The following ORC4 variants were observed in gnomAD, a reference collection of about 807,000 sequenced individuals.
ORC4 encodes origin recognition complex subunit 4, also known as origin recognition complex, subunit 4 homolog.
Under a neutral mutation model 63.9 loss-of-function variants are expected in ORC4, and 55 were observed. The ratio of observed to expected loss-of-function variants is 0.86; its 90% CI spans 0.69 to 1.08. The LOEUF (loss-of-function observed/expected upper bound fraction) is 1.08. Ranked by LOEUF, ORC4 falls within the 50% of genes least tolerant of loss-of-function variation. The pLI is 0.00. For synonymous variants in ORC4, 150 were observed against 168.5 expected, an observed-to-expected ratio of 0.89 and a Z score of 0.85; for missense variants, 511 against 504.4, an observed-to-expected ratio of 1.01 and a Z score of -0.13.
intron 4 of ORC4, among the ~76,000 whole-genome samples, chr2:147,969,171 AC>A (rs1690066363): frequency 6.6e-6 from 1 of 152,062 alleles, no homozygotes; most frequent in Non-Finnish European, 1.5e-5. Context: ...AATAATGAAC[AC>A]AAAATTACAG....
chr2:147,960,258 T>C (rs546088995), intron 4 of ORC4: 5 of 985,268 alleles, frequency 5.1e-6, no homozygotes, highest in Admixed American at 6.1e-5. Flanking sequence ...CACCAACTTA[T>C]GCTTTGCTTG....
chr2:147,959,057 G>T (rs1689428586), intron 4 of ORC4, among the ~76,000 whole-genome samples, 191 bp from the exon 5 acceptor site: 1 of 151,942 alleles, frequency 6.6e-6, no homozygotes. Context: ...AGAAACAAGA[G>T]CCAGGACTGA....
intron 2 of ORC4, among the ~76,000 whole-genome samples, chr2:147,974,825 A>C (rs1221480260): frequency 1.3e-5 from 2 of 151,030 alleles, no homozygotes; most frequent in African/African-American, 4.9e-5. Flanking sequence ...AAAAAAAAAA[A>C]ACCCAGAAAA....
At chr2:147,994,093 A>G (rs1263584252) in intron 1 of ORC4, among the ~76,000 whole-genome samples, 1 of 152,242 alleles carries the variant, frequency 6.6e-6, no homozygotes, top group African/African-American at 2.4e-5. Context: ...AATTAAAATA[A>G]TACCATATAC....
intron 7 of ORC4, among the ~76,000 whole-genome samples, chr2:147,954,675 CACT>C (rs1689146156): frequency 6.6e-6 from 1 of 152,048 alleles, no homozygotes; most frequent in African/African-American, 2.4e-5. Flanking sequence ...CAAGCATCAC[CACT>C]ATCAGAATTA....
rs186772579 is a variant in ORC4 at position 147,991,122 on chromosome 2, A to G, written c.-17-15147T>C. Among the ~76,000 whole-genome samples, 922 of 147,500 alleles carry G rather than the reference A, an allele frequency of 6.3e-3. 4 individuals are homozygous for G. The highest frequency in any genetic ancestry group is 0.014 in the Admixed American group (208 of 14,400). ...GAGTGCAGTGGCACCATCTCAGCTC[A>G]CTGCAACCTCCACCTCCAGGGTTCA... On this transcript the variant is annotated intron_variant, in intron 1 of 13. Coordinates refer to ENST00000392857, the MANE Select transcript of ORC4 (RefSeq NM_181741.4).
At chr2:147,967,971 T>C (rs1206172921) in intron 4 of ORC4, among the ~76,000 whole-genome samples, 2 of 151,872 alleles carry the variant, frequency 1.3e-5, no homozygotes, top group African/African-American at 4.8e-5. Flanking sequence ...TAGAACAGAA[T>C]AGAGAACCCA....
intron 1 of ORC4, among the ~76,000 whole-genome samples, chr2:147,986,912 T>C (rs886331346): frequency 3.3e-5 from 5 of 151,512 alleles, no homozygotes; most frequent in Non-Finnish European, 5.9e-5. Context: ...ACAGTGAAAA[T>C]AATCATTCAA....
At chr2:147,996,207 G>A (rs1003786061) in intron 1 of ORC4, among the ~76,000 whole-genome samples, 1 of 152,030 alleles carries the variant, frequency 6.6e-6, no homozygotes, top group Non-Finnish European at 1.5e-5. Flanking sequence ...GGGAGGCTGA[G>A]GCAGGAGAAC....
At chr2:148,003,008 T>G (rs951257836) in intron 1 of ORC4, among the ~76,000 whole-genome samples, 1 of 152,170 alleles carries the variant, frequency 6.6e-6, no homozygotes, top group South Asian at 2.1e-4. Context: ...CTAGAAAATC[T>G]AGAAGAAATG....
Position 147,955,404 on chromosome 2 carries a change from C to T in ORC4, c.388-9G>A, listed in dbSNP as rs1275740359. On this transcript the variant is annotated splice_polypyrimidine_tract_variant and intron_variant, in intron 6 of 13. Coordinates refer to ENST00000392857, the MANE Select transcript of ORC4 (RefSeq NM_181741.4). ...TTTTCAGCAAAGCTTCCCTGAACAACAAAATGAGATAAAATGATTAAAAGT... is the reference window on the plus strand; with the variant it reads ...TTTTCAGCAAAGCTTCCCTGAACAATAAAATGAGATAAAATGATTAAAAGT... 1 of 1,592,124 alleles carries T rather than the reference C, an allele frequency of 6.3e-7. No individual in the cohort carries two copies. Among genetic ancestry groups the T allele is most frequent in the African/African-American group, 1.3e-5 (1 of 74,292 alleles).
chr2:147,943,553 T>C, intron 9 of ORC4, 31 bp from the exon 10 acceptor site: 1 of 1,280,230 alleles, frequency 7.8e-7, no homozygotes. Context: ...AAAGCCAAAA[T>C]TGAGGAAAGA....
chr2:148,015,358 AGGCTGGGCTGCAGTGGC>A (rs1693216261), intron 1 of ORC4, among the ~76,000 whole-genome samples: 1 of 122,000 alleles, frequency 8.2e-6, no homozygotes, highest in South Asian at 2.5e-4. Context: ...TCTGTTGCCC[AGGCTGGGCTGCAGTGGC>A]GCGATCTCGG....
At chr2:147,982,701 T>A (rs1013858891) in intron 1 of ORC4, among the ~76,000 whole-genome samples, 1 of 152,194 alleles carries the variant, frequency 6.6e-6, no homozygotes, top group East Asian at 1.9e-4. Context: ...AAATAAAGTT[T>A]TAGTCCAAAG....
intron 1 of ORC4, among the ~76,000 whole-genome samples, 184 bp from the exon 2 acceptor site, chr2:147,976,159 C>T (rs1428145362): frequency 6.6e-6 from 1 of 152,106 alleles, no homozygotes; most frequent in East Asian, 1.9e-4. Flanking sequence ...CACTCTCATA[C>T]CACACTTTAG....
In ORC4 at chr2:147,938,357, A is replaced by G; in HGVS notation, c.995T>C (p.Met332Thr). 6.2e-7 allele frequency: 1 copy of G among 1,607,060 alleles called. No individual in the cohort carries two copies. Among genetic ancestry groups the G allele is most frequent in the South Asian group, 1.1e-5 (1 of 90,902 alleles). Residue 332 changes from methionine (M) to threonine (T), a missense_variant, in exon 12 of 14, where the codon ATG (methionine) becomes ACG (threonine). Transcript: ENST00000392857. ...CTCATAGATGTCATTTAAATGTTTCATTGCTATTATAAGACAGATTTCCAA... is the reference window on the plus strand; with the variant it reads ...CTCATAGATGTCATTTAAATGTTTCGTTGCTATTATAAGACAGATTTCCAA... The part of the protein sequence containing the change: ...SVLEICLIIA[M>T]KHLNDIYEEE...
chr2:147,999,955 A>T (rs1472262980), intron 1 of ORC4, among the ~76,000 whole-genome samples: 1 of 152,008 alleles, frequency 6.6e-6, no homozygotes, highest in Non-Finnish European at 1.5e-5. Flanking sequence ...GGATATAATA[A>T]GAAAATTATA....
intron 9 of ORC4, among the ~76,000 whole-genome samples, chr2:147,944,522 A>C (rs956942391): frequency 6.6e-6 from 1 of 152,062 alleles, no homozygotes; most frequent in African/African-American, 2.4e-5. Flanking sequence ...AGAAAGTACC[A>C]TCTAAAGAGG....
Position 147,970,239 on chromosome 2 carries a change from A to T in ORC4, c.225+2500T>A, listed in dbSNP as rs368745828. ...TACTCCAAGAACGGGAAGACTAAATATAGTTAAGATGTCCATTCTTCCTAT... is the reference window on the plus strand; with the variant it reads ...TACTCCAAGAACGGGAAGACTAAATTTAGTTAAGATGTCCATTCTTCCTAT... On this transcript the variant is annotated intron_variant, in intron 4 of 13. Transcript: ENST00000392857. Among the ~76,000 whole-genome samples, 12 of 152,340 alleles carry T rather than the reference A, an allele frequency of 7.9e-5. No homozygotes were observed. In the South Asian group the frequency reaches 2.3e-3, roughly 29 times the overall value.
Sources: gnomAD v4.1 joint callset for allele counts (sites outside exome capture counted in the v4.1 genomes callset) on GRCh38, gnomAD v4.1.1 for gene constraint, MANE v1.5 for transcripts, NCBI Gene and HGNC (gene_info 2026-07-23, HGNC 2026-07-21) for gene names.